The following EIF4G3 variants were observed in gnomAD, a reference collection of about 807,000 sequenced individuals.
EIF4G3 encodes eIF-4-gamma 3.
A neutral mutation model predicts 186.4 loss-of-function variants in EIF4G3; 34 were observed. That is an observed-to-expected ratio of 0.18 (90% CI 0.14 to 0.24). EIF4G3 has a LOEUF of 0.24. Ranked by LOEUF, EIF4G3 falls within the 10% of genes least tolerant of loss-of-function variation. The pLI is 1.00. For missense variants in EIF4G3, 1,536 were observed against 1,948.5 expected, an observed-to-expected ratio of 0.79 and a Z score of 3.99; for synonymous variants, 673 against 679.5, an observed-to-expected ratio of 0.99 and a Z score of 0.15.
intron 3 of EIF4G3, among the ~76,000 whole-genome samples, chr1:21,053,265 C>T (rs1235811131): frequency 6.6e-6 from 1 of 151,698 alleles, no homozygotes; most frequent in Admixed American, 6.6e-5. Flanking sequence ...CTCTGCCTGG[C>T]AACCGCCCCG....
chr1:20,934,442 G>C (rs954322739), intron 14 of EIF4G3, among the ~76,000 whole-genome samples: 5 of 152,120 alleles, frequency 3.3e-5, no homozygotes, highest in Admixed American at 6.5e-5. Flanking sequence ...GAGACTGTAA[G>C]AGACAACTAA....
intron 4 of EIF4G3, among the ~76,000 whole-genome samples, chr1:21,021,581 A>G (rs2090707814): frequency 6.6e-6 from 1 of 152,002 alleles, no homozygotes; most frequent in African/African-American, 2.4e-5. Flanking sequence ...GTGGAGACAG[A>G]GTCTTGCTCT....
At chr1:20,813,649 C>G (rs574333774) in intron 34 of EIF4G3, among the ~76,000 whole-genome samples, 2 of 151,926 alleles carry the variant, frequency 1.3e-5, no homozygotes, top group Non-Finnish European at 2.9e-5. Flanking sequence ...GATGGATCAC[C>G]TGAGGTCAGG....
intron 3 of EIF4G3, among the ~76,000 whole-genome samples, chr1:21,051,991 T>C (rs2094243890): frequency 6.6e-6 from 1 of 152,200 alleles, no homozygotes. Flanking sequence ...TCTAAAAACA[T>C]GTATATGTAA....
chr1:20,934,257 G>A (rs2095439318), intron 14 of EIF4G3, among the ~76,000 whole-genome samples: 1 of 152,146 alleles, frequency 6.6e-6, no homozygotes, highest in African/African-American at 2.4e-5. Flanking sequence ...CAGACTATAT[G>A]TTAGTTGAAT....
chr1:20,985,506 C>A (rs1191653010), intron 7 of EIF4G3, among the ~76,000 whole-genome samples: 7 of 137,646 alleles, frequency 5.1e-5, no homozygotes, highest in Non-Finnish European at 8.1e-5. Flanking sequence ...GCCGTAATGA[C>A]TAGAAATGCA....
intron 2 of EIF4G3, among the ~76,000 whole-genome samples, chr1:21,115,959 A>G (rs538705098): frequency 9.2e-5 from 14 of 152,102 alleles, no homozygotes; most frequent in African/African-American, 3.4e-4. Context: ...CCTGGCCTTA[A>G]CCAATCCTCT....
intron 14 of EIF4G3, among the ~76,000 whole-genome samples, chr1:20,923,173 G>T (rs1271167263): frequency 6.6e-6 from 1 of 151,814 alleles, no homozygotes; most frequent in Admixed American, 6.6e-5. Flanking sequence ...TTTTATCTTG[G>T]TTAAAGTTGT....
chr1:20,868,505 G>A (rs1201148699), intron 20 of EIF4G3, among the ~76,000 whole-genome samples: 1 of 151,906 alleles, frequency 6.6e-6, no homozygotes, highest in Non-Finnish European at 1.5e-5. Context: ...CCTAGTTACT[G>A]CCCCCCACCC....
chr1:20,810,632 G>C lies in EIF4G3; in HGVS notation c.4744+106C>G. The C allele has an allele frequency of 1.5e-6, 2 of 1,302,962 alleles. No individual in the cohort carries two copies. Among genetic ancestry groups the C allele is most frequent in the East Asian group, 2.3e-5 (1 of 42,684 alleles). 80.7% of individuals were successfully genotyped at this position (1,302,962 alleles called of 1,614,324 possible). A position where few individuals can be genotyped will look rare whatever the true frequency, so the allele number is the denominator to read the frequency against. On this transcript the variant is annotated intron_variant, in intron 36 of 36. Transcript: ENST00000602326. The surrounding 1 kb of genome is among the most constrained non-coding windows in gnomAD (Gnocchi z 4.1). The stretch of plus-strand genomic sequence containing the variant: ...TTAGTTATATGAGTTTGTGTTATTA[G>C]TGATTCTTTTATTGTCCTTTGTTCG...
intron 2 of EIF4G3, among the ~76,000 whole-genome samples, chr1:21,171,195 CATTGCTTAAAG>C (rs1256728468): frequency 6.6e-6 from 1 of 152,120 alleles, no homozygotes; most frequent in Non-Finnish European, 1.5e-5. Context: ...GCAGTTTATC[CATTGCTTAAAG>C]TCATATGCGT....
intron 2 of EIF4G3, among the ~76,000 whole-genome samples, chr1:21,094,801 A>AATC (rs1332545563): frequency 1.4e-5 from 2 of 146,462 alleles, no homozygotes; most frequent in African/African-American, 4.9e-5. Context: ...TAATAATAAT[A>AATC]ATAAAAGCCA....
intron 2 of EIF4G3, among the ~76,000 whole-genome samples, chr1:21,161,173 A>G (rs1007509937): frequency 6.6e-6 from 1 of 151,838 alleles, no homozygotes; most frequent in Non-Finnish European, 1.5e-5. Flanking sequence ...TCCATCTCAT[A>G]AAGAAGTTTC....
intron 4 of EIF4G3, among the ~76,000 whole-genome samples, chr1:21,012,759 T>C (rs1019831352): frequency 6.6e-6 from 1 of 152,132 alleles, no homozygotes; most frequent in African/African-American, 2.4e-5. Flanking sequence ...CAGAACAACA[T>C]GTGGAGATTC....
At chr1:21,125,343 T>A (rs536758821) in intron 2 of EIF4G3, among the ~76,000 whole-genome samples, 118 of 152,310 alleles carry the variant, frequency 7.7e-4, no homozygotes, top group African/African-American at 2.6e-3. Context: ...TTTGAAACAG[T>A]ACCCTCACTT....
intron 29 of EIF4G3, among the ~76,000 whole-genome samples, chr1:20,848,802 C>T (rs190021842): frequency 3.4e-4 from 51 of 151,970 alleles, no homozygotes; most frequent in African/African-American, 1.1e-3. Context: ...AATCTCAGCA[C>T]TTTGGGAGTC....
chr1:21,053,756 CG>C (rs2094421929), intron 3 of EIF4G3, among the ~76,000 whole-genome samples: 1 of 147,318 alleles, frequency 6.8e-6, no homozygotes, highest in Non-Finnish European at 1.5e-5. Flanking sequence ...CCGCCCCATC[CG>C]GGAGGTGAGG....
intron 13 of EIF4G3, 96 bp from the exon 14 acceptor site, chr1:20,942,426 G>T: frequency 7.9e-7 from 1 of 1,266,898 alleles, no homozygotes; most frequent in Non-Finnish European, 1.1e-6. Context: ...CTAAATTACA[G>T]GTAACAGAAC....
At chr1:20,844,789 G>A (rs901118579) in intron 29 of EIF4G3, among the ~76,000 whole-genome samples, 9 of 151,870 alleles carry the variant, frequency 5.9e-5, no homozygotes, top group African/African-American at 1.9e-4. Context: ...CCAAGATTGC[G>A]CCACTGCACT....
Sources: gnomAD v4.1 joint callset for allele counts (sites outside exome capture counted in the v4.1 genomes callset) on GRCh38, gnomAD v4.1.1 for gene constraint, Gnocchi (gnomAD v3.1) non-coding constraint, MANE v1.5 for transcripts, NCBI Gene and HGNC (gene_info 2026-07-23, HGNC 2026-07-21) for gene names.